The following CHLSN variants were observed in gnomAD, a reference collection of about 807,000 sequenced individuals.
CHLSN encodes the protein protein cholesin.
At chr7:1,113,486 G>A in the CHLSN span, among the ~76,000 whole-genome samples, 5 of 152,242 alleles carry the variant, frequency 3.3e-5, no homozygotes, top group South Asian at 2.1e-4. Context: ...TGCTTCGACC[G>A]TCCACACTGA....
At chr7:1,007,317 T>C in the CHLSN span, among the ~76,000 whole-genome samples, 24 of 152,318 alleles carry the variant, frequency 1.6e-4, no homozygotes, top group East Asian at 4.6e-3. Context: ...GTCCAGGGCC[T>C]CTGCAGGGGG....
the CHLSN span, among the ~76,000 whole-genome samples, chr7:1,059,971 G>GTTGTGGGGCGGGTCT: frequency 3.2e-5 from 1 of 31,094 alleles, no homozygotes; most frequent in Non-Finnish European, 5.9e-5. Flanking sequence ...AGGCGGGCCC[G>GTTGTGGGGCGGGTCT]TAGTGGGGCG....
chr7:994,646 C>T, the CHLSN span, among the ~76,000 whole-genome samples: 1 of 152,048 alleles, frequency 6.6e-6, no homozygotes, highest in East Asian at 1.9e-4. Context: ...AGCCATGTTG[C>T]CCAGGCTGGT....
the CHLSN span, chr7:987,611 A>C: frequency 7.5e-7 from 1 of 1,338,866 alleles, no homozygotes; most frequent in Non-Finnish European, 9.9e-7. Context: ...GGGACGGCTG[A>C]GCGTCTGGTG....
At chr7:1,047,806 G>A in the CHLSN span, among the ~76,000 whole-genome samples, 33 of 152,302 alleles carry the variant, frequency 2.2e-4, no homozygotes, top group East Asian at 5.4e-3. Context: ...AATAAGAAGC[G>A]CTGAGTCCCC....
At chr7:1,099,910 G>C in the CHLSN span, among the ~76,000 whole-genome samples, 1 of 152,240 alleles carries the variant, frequency 6.6e-6, no homozygotes, top group Non-Finnish European at 1.5e-5. Context: ...ACTCAACCAC[G>C]GCAAACCCTG....
the CHLSN span, chr7:1,000,355 C>A: frequency 3.3e-6 from 3 of 915,314 alleles, no homozygotes; most frequent in Non-Finnish European, 4.8e-6. Flanking sequence ...CCTCAGCCCC[C>A]GGGAGACGTG....
chr7:1,014,006 G>C, the CHLSN span, among the ~76,000 whole-genome samples: 12 of 152,212 alleles, frequency 7.9e-5, no homozygotes, highest in Non-Finnish European at 1.8e-4. Context: ...GGACTGGGAT[G>C]GGGAGGCGGC....
the CHLSN span, chr7:1,058,259 A>G: frequency 0.13 from 103,790 of 770,586 alleles, 8,168 homozygotes; most frequent in Middle Eastern, 0.24. Flanking sequence ...TCTGGACGCC[A>G]CACTATCTGA....
At chr7:1,109,939 C>T in the CHLSN span, among the ~76,000 whole-genome samples, 2 of 152,216 alleles carry the variant, frequency 1.3e-5, no homozygotes, top group Non-Finnish European at 2.9e-5. Flanking sequence ...CCACAAATGC[C>T]AGTGCGAGCG....
At chr7:1,038,477 A>G in the CHLSN span, among the ~76,000 whole-genome samples, 1 of 81,568 alleles carries the variant, frequency 1.2e-5, no homozygotes, top group Admixed American at 1.1e-4. Flanking sequence ...TCCGGGAGGG[A>G]GGTGGGGGGG....
the CHLSN span, among the ~76,000 whole-genome samples, chr7:1,114,013 G>A: frequency 2.6e-5 from 4 of 152,230 alleles, no homozygotes; most frequent in African/African-American, 7.2e-5. Flanking sequence ...TATATTTCAA[G>A]TTAAATGTCC....
the CHLSN span, among the ~76,000 whole-genome samples, chr7:1,090,321 A>G: frequency 6.6e-6 from 1 of 152,160 alleles, no homozygotes; most frequent in Non-Finnish European, 1.5e-5. Context: ...CAGTGTCTGC[A>G]GGCTGAGACC....
the CHLSN span, among the ~76,000 whole-genome samples, chr7:1,115,221 A>G: frequency 3.3e-5 from 5 of 152,296 alleles, no homozygotes; most frequent in African/African-American, 1.2e-4. Context: ...GAGGGAAGAA[A>G]CTGTTTGATT....
chr7:1,111,063 G>A, the CHLSN span, among the ~76,000 whole-genome samples: 25 of 152,162 alleles, frequency 1.6e-4, no homozygotes, highest in Middle Eastern at 3.2e-3. Flanking sequence ...GCGACAGAGC[G>A]AGACTCCGTC....
the CHLSN span, chr7:1,028,252 A>G: frequency 9.1e-7 from 1 of 1,097,112 alleles, no homozygotes; most frequent in East Asian, 1.0e-4. Flanking sequence ...GGCCCCGCGC[A>G]CTGACCTCTG....
chr7:1,120,937 A>G, the CHLSN span, among the ~76,000 whole-genome samples: 1 of 152,044 alleles, frequency 6.6e-6, no homozygotes, highest in African/African-American at 2.4e-5. Flanking sequence ...CGGATCAAAA[A>G]CAGATGGACA....
the CHLSN span, among the ~76,000 whole-genome samples, chr7:1,130,941 A>G: frequency 3.3e-5 from 5 of 152,188 alleles, no homozygotes; most frequent in Non-Finnish European, 7.4e-5. Context: ...TCATCCCAGC[A>G]TTCTGGGAGG....
At chr7:993,108 C>G in the CHLSN span, among the ~76,000 whole-genome samples, 1 of 152,166 alleles carries the variant, frequency 6.6e-6, no homozygotes, top group African/African-American at 2.4e-5. Flanking sequence ...GGGTTTGAGG[C>G]TGCACTCAGC....
Sources: allele counts gnomAD v4.1 joint callset (sites outside exome capture counted in the v4.1 genomes callset), GRCh38; gene constraint gnomAD v4.1.1; transcripts MANE v1.5; gene names NCBI Gene and HGNC (gene_info 2026-07-23, HGNC 2026-07-21).